The following USH1C variants were observed in gnomAD, a reference collection of about 807,000 sequenced individuals.
USH1C encodes USH1 protein network component harmonin.
A neutral mutation model predicts 119.3 loss-of-function variants in USH1C; 90 were observed. The observed-to-expected ratio is 0.75, with a 90% CI of 0.64 to 0.90. The LOEUF (loss-of-function observed/expected upper bound fraction) is 0.90. USH1C is among the 40% of genes least tolerant of loss of function. The pLI is 0.00. For missense variants in USH1C, 1,165 were observed against 1,167.7 expected (o/e 1.00, Z 0.03); for synonymous variants, 465 against 443.3 (o/e 1.05, Z -0.62).
rs755360401 is a variant in USH1C at position 17,505,814 on chromosome 11, G to T, written c.2133+16C>A. On this transcript the variant is annotated intron_variant, in intron 19 of 26. Transcript: ENST00000005226. ...GCTCCTCTAGAGACAACCTGGAGGG[G>T]ACCCAAGGGGCTTACCAGAACTTCA... 20 of 1,613,808 alleles carry T rather than the reference G, an allele frequency of 1.2e-5. No individual in the cohort carries two copies. In the Admixed American group the frequency reaches 3.3e-4, roughly 27 times the overall value.
intron 18 of USH1C, 115 bp from the exon 19 acceptor site, chr11:17,506,064 G>C (rs1258256729): frequency 6.7e-7 from 1 of 1,498,446 alleles, no homozygotes; most frequent in Non-Finnish European, 9.2e-7. Context: ...AAGCCAGCCT[G>C]GTCATTCAAC....
intron 20 of USH1C, 99 bp downstream of exon 20, chr11:17,504,548 G>C (rs1849570555): frequency 7.3e-7 from 1 of 1,362,116 alleles, no homozygotes; most frequent in Admixed American, 1.7e-5. Context: ...GGGCCACCAT[G>C]GACCTGACCA....
Position 17,523,239 on chromosome 11 carries a change from C to T in USH1C, c.848G>A (p.Ser283Asn). 6.2e-7 allele frequency: 1 copy of T among 1,614,178 alleles called. No individual in the cohort carries two copies. Among genetic ancestry groups the T allele is most frequent in the Middle Eastern group, 1.6e-4 (1 of 6,062 alleles). ...TGCAGCTACAATGGAGATGGTCAGG[C>T]TGCGGCTACTCTTCAGCACATTTAC... The part of the protein sequence containing the change: ...EAVNVLKSSR[S>N]LTISIVAAAG... Residue 283 changes from serine to asparagine, a missense_variant, in exon 11 of 27, where the codon AGC (serine) becomes AAC (asparagine). Physicochemically the swap from Ser to Asn is conservative, Grantham distance 46. Transcript: ENST00000005226.
At position 17,527,012 on chromosome 11, in the gene USH1C, T is replaced by G. The variant is rs748984759; in HGVS notation, c.521+4A>C. The stretch of plus-strand genomic sequence containing the variant: ...AGTTGGCCTGCAGAGGAGGGGCCTC[T>G]CACCTTTTCACGGGGATCAGGCCGA... On this transcript the variant is annotated splice_donor_region_variant and intron_variant, in intron 6 of 26. Transcript: ENST00000005226. 1.7e-5 allele frequency: 26 copies of G among 1,562,794 alleles called. No homozygotes were observed. Among genetic ancestry groups the G allele is most frequent in the Non-Finnish European group, 1.8e-5 (21 of 1,152,620 alleles).
rs1222761347 is a variant in USH1C, at chr11:17,526,795, G to A, written c.537C>T (p.Pro179=). Residue 179 remains proline (P), a synonymous_variant, in exon 7 of 27, where the codon CCC becomes CCT. Coordinates refer to ENST00000005226, the MANE Select transcript of USH1C (RefSeq NM_153676.4). ...LIPVKSSPDE[P]LTWQYVDQFV... ...ACTGATCCACATACTGCCAAGTGAG[G>A]GGCTCATCAGGAGAGCTGATGGGAA... is the stretch of plus-strand genomic sequence containing the variant. 5.6e-6 allele frequency: 9 copies of A among 1,614,056 alleles called. No homozygotes were observed. Among genetic ancestry groups the A allele is most frequent in the Admixed American group, 1.7e-5 (1 of 60,004 alleles).
At position 17,498,157 on chromosome 11, in the gene USH1C, C is replaced by T; in HGVS notation, c.2490+5G>A. 2 of 1,613,604 alleles carry T rather than the reference C, an allele frequency of 1.2e-6. No homozygotes were observed. The highest frequency in any genetic ancestry group is 1.7e-6 in the Non-Finnish European group (2 of 1,179,504). ...GAGGAAAGGAGGGAGGGGCCTTATTCTTACCCCGCCCTGATTCCAGGCCTT... is the reference window on the plus strand; with the variant it reads ...GAGGAAAGGAGGGAGGGGCCTTATTTTTACCCCGCCCTGATTCCAGGCCTT... On this transcript the variant is annotated splice_donor_5th_base_variant and intron_variant, in intron 24 of 26. Coordinates refer to ENST00000005226, the MANE Select transcript of USH1C (RefSeq NM_153676.4).
chr11:17,529,013 A>G (rs1289626991), intron 4 of USH1C, among the ~76,000 whole-genome samples: 7 of 152,224 alleles, frequency 4.6e-5, no homozygotes, highest in Admixed American at 4.6e-4. Flanking sequence ...TGGGATTTGA[A>G]GTCAGGTCTC....
At chr11:17,526,616 C>A (rs534060190) in intron 7 of USH1C, 137 bp downstream of exon 7, 5 of 1,158,032 alleles carry the variant, frequency 4.3e-6, no homozygotes, top group East Asian at 5.1e-5. Flanking sequence ...TGCCCCACAG[C>A]GGTGTGCTGG....
At chr11:17,525,651 C>T (rs1284772443) in intron 8 of USH1C, among the ~76,000 whole-genome samples, 2 of 152,176 alleles carry the variant, frequency 1.3e-5, no homozygotes, top group East Asian at 3.9e-4. Context: ...GCTTAAGCCC[C>T]GTGTGGCCCA....
intron 1 of USH1C, chr11:17,533,724 G>T: frequency 4.2e-6 from 2 of 471,818 alleles, no homozygotes; most frequent in Non-Finnish European, 8.4e-6. Context: ...CTTACCTGAT[G>T]GTGGCTGTAG....
At chr11:17,523,004 T>A in intron 11 of USH1C, 78 bp from the exon 12 acceptor site, 2 of 1,597,534 alleles carry the variant, frequency 1.3e-6, no homozygotes, top group South Asian at 2.2e-5. Context: ...GGGGCCGAGA[T>A]GCAGGTGGTC....
intron 1 of USH1C, among the ~76,000 whole-genome samples, chr11:17,542,867 C>G (rs562451465): frequency 1.2e-3 from 187 of 152,344 alleles, no homozygotes; most frequent in African/African-American, 4.2e-3. Context: ...TCTCAAGCTC[C>G]CCTTGGTATT....
intron 9 of USH1C, among the ~76,000 whole-genome samples, 178 bp downstream of exon 9, chr11:17,524,273 G>C (rs908446287): frequency 6.6e-6 from 1 of 152,188 alleles, no homozygotes; most frequent in African/African-American, 2.4e-5. Context: ...GAAGGCTGCA[G>C]AAGGGTCAAA....
At chr11:17,542,556 C>T (rs1851512734) in intron 1 of USH1C, among the ~76,000 whole-genome samples, 1 of 152,210 alleles carries the variant, frequency 6.6e-6, no homozygotes, top group African/African-American at 2.4e-5. Context: ...CCTTTGGAGC[C>T]TGTGGGACCT....
At position 17,531,259 on chromosome 11, in the gene USH1C, G is replaced by C. The variant is rs554615192; in HGVS notation, c.282C>G (p.His94Gln). ...KLKEVRLDRL[H>Q]PEGLGLSVRG... ...GCACACTCAGGCCGAGGCCTTCGGG[G>C]TGCAGACGGTCCAGACGCACCTCCT... The change falls in exon 4 of 27, where the codon CAC becomes CAG. Residue 94 changes from histidine to glutamine, a missense_variant. Transcript: ENST00000005226. This position sits in a 1 kb window ranked among gnomAD's most constrained non-coding sequence, Gnocchi z 4.2. 6.2e-7 allele frequency: 1 copy of C among 1,614,132 alleles called. No homozygotes were observed. The highest frequency in any genetic ancestry group is 8.5e-7 in the Non-Finnish European group (1 of 1,180,038).
intron 23 of USH1C, among the ~76,000 whole-genome samples, chr11:17,498,676 C>T (rs576407511): frequency 9.8e-5 from 15 of 152,320 alleles, no homozygotes; most frequent in Admixed American, 3.9e-4. Flanking sequence ...GGCTTCATGT[C>T]GCTGTTCCCT....
chr11:17,515,891 T>C (rs965413931), intron 15 of USH1C, among the ~76,000 whole-genome samples: 1 of 152,224 alleles, frequency 6.6e-6, no homozygotes, highest in African/African-American at 2.4e-5. Context: ...GATAATTTGC[T>C]CTGTCTGACC....
At chr11:17,521,995 AT>A (rs987631444) in intron 12 of USH1C, among the ~76,000 whole-genome samples, 1 of 151,024 alleles carries the variant, frequency 6.6e-6, no homozygotes, top group Non-Finnish European at 1.5e-5. Flanking sequence ...TGCCCAGCTA[AT>A]TTTTTTTTGT....
intron 23 of USH1C, among the ~76,000 whole-genome samples, chr11:17,499,294 G>A (rs1225834868): frequency 6.6e-6 from 1 of 152,212 alleles, no homozygotes; most frequent in East Asian, 1.9e-4. Flanking sequence ...ACTGACAATG[G>A]TGGCCATGGT....
Sources: gnomAD v4.1 joint callset for allele counts (sites outside exome capture counted in the v4.1 genomes callset) on GRCh38, gnomAD v4.1.1 for gene constraint, Gnocchi (gnomAD v3.1) non-coding constraint, MANE v1.5 for transcripts, NCBI Gene and HGNC (gene_info 2026-07-23, HGNC 2026-07-21) for gene names.